Variants in MRTFA observed in about 807,000 individuals in gnomAD.
MRTFA encodes myocardin-related transcription factor A.
A neutral mutation model predicts 83.5 loss-of-function variants in MRTFA; 20 were observed. The observed-to-expected ratio is 0.24, with a 90% CI of 0.17 to 0.35. The LOEUF (loss-of-function observed/expected upper bound fraction) is 0.35, where lower values mean the gene tolerates loss of function less well. Ranked by LOEUF, MRTFA falls within the 10% of genes least tolerant of loss-of-function variation. The pLI, the probability that MRTFA is intolerant of heterozygous loss-of-function variation, is 1.00. For synonymous variants in MRTFA, 659 were observed against 541.2 expected (o/e 1.22, Z -3.02); for missense variants, 1,200 against 1,224.7 (o/e 0.98, Z 0.30).
At chr22:40,480,184 G>C (rs940305761) in intron 3 of MRTFA, among the ~76,000 whole-genome samples, 1 of 152,092 alleles carries the variant, frequency 6.6e-6, no homozygotes, top group African/African-American at 2.4e-5. Flanking sequence ...AGGTAGAGCA[G>C]AAATTGGAAC....
At chr22:40,540,334 C>G (rs1163914376) in intron 3 of MRTFA, among the ~76,000 whole-genome samples, 1 of 152,158 alleles carries the variant, frequency 6.6e-6, no homozygotes, top group Non-Finnish European at 1.5e-5. Context: ...TGTTATTTCT[C>G]TTTGAAAATT....
At chr22:40,424,136 G>A (rs928575412) in intron 8 of MRTFA, 70 bp downstream of exon 8, 67 of 1,459,026 alleles carry the variant, frequency 4.6e-5, no homozygotes, top group Admixed American at 1.8e-4. Flanking sequence ...CCGTGGCCCA[G>A]GAGAGAGACC....
chr22:40,534,796 A>G (rs2055139361), intron 3 of MRTFA, among the ~76,000 whole-genome samples: 1 of 152,234 alleles, frequency 6.6e-6, no homozygotes, highest in Non-Finnish European at 1.5e-5. Context: ...GAATTCTTCA[A>G]TCTTTCTCGT....
In MRTFA at chr22:40,420,962, C is replaced by G. The variant is rs1470339728; in HGVS notation, c.1066G>C (p.Asp356His). The G allele has an allele frequency of 3.7e-6, 6 of 1,613,366 alleles. No individual in the cohort carries two copies. Residue 356 changes from aspartate (D) to histidine (H), a missense_variant, in exon 10 of 15, where the codon GAC becomes CAC. Around this residue, in one of 2 missense-constraint regions of MRTFA, gnomAD observed 1,107 missense variants for 1,041.8 expected, o/e 1.06. Coordinates refer to ENST00000355630, the MANE Select transcript of MRTFA (RefSeq NM_020831.6). The stretch of plus-strand genomic sequence containing the variant: ...TGCAGGATCTTGGCGTAGGATGAGT[C>G]CATGGGGGGTGCCCCCCTGTCCTGC...
At chr22:40,541,581 C>G (rs145166945) in intron 3 of MRTFA, among the ~76,000 whole-genome samples, 1 of 152,300 alleles carries the variant, frequency 6.6e-6, no homozygotes, top group Non-Finnish European at 1.5e-5. Context: ...GAGTCAAGAC[C>G]TGTAAACCTG....
chr22:40,455,054 C>T (rs2053558545), intron 4 of MRTFA, among the ~76,000 whole-genome samples: 1 of 152,198 alleles, frequency 6.6e-6, no homozygotes, highest in Non-Finnish European at 1.5e-5. Flanking sequence ...CCTGCCTTGG[C>T]CTCACCATGT....
chr22:40,527,285 G>A (rs182808389), intron 3 of MRTFA, among the ~76,000 whole-genome samples: 4 of 152,064 alleles, frequency 2.6e-5, no homozygotes, highest in African/African-American at 9.6e-5. Flanking sequence ...AGCCATTTAT[G>A]CGACTTTGCC....
chr22:40,571,489 A>C (rs2055792236), intron 2 of MRTFA, among the ~76,000 whole-genome samples: 1 of 152,152 alleles, frequency 6.6e-6, no homozygotes, highest in African/African-American at 2.4e-5. Context: ...GAGGTGAAAA[A>C]GAAAACTCAC....
rs545597621 is a variant in MRTFA, at chr22:40,420,532, C to T, written c.1226G>A (p.Arg409His). Reference sequence around the variant, plus strand: ...GCTGCTATTGGTAGTGGAGAGGCTGCGTACTGGGGGGGTCCCGCTGCTTCC... The same window carrying T: ...GCTGCTATTGGTAGTGGAGAGGCTGTGTACTGGGGGGGTCCCGCTGCTTCC... The change falls in exon 11 of 15, where the codon CGC becomes CAC. Residue 409 changes from arginine (R) to histidine (H), a missense_variant. This residue lies in a region of MRTFA where 1,107 missense variants were observed against 1,041.8 expected (regional missense o/e 1.06). Coordinates refer to ENST00000355630, the MANE Select transcript of MRTFA (RefSeq NM_020831.6). 3.8e-5 allele frequency: 61 copies of T among 1,613,696 alleles called. No individual in the cohort carries two copies. In the East Asian group the frequency reaches 4.0e-4, roughly 11 times the overall value.
chr22:40,491,900 C>T (rs2054277635), intron 3 of MRTFA, among the ~76,000 whole-genome samples: 1 of 152,204 alleles, frequency 6.6e-6, no homozygotes, highest in Non-Finnish European at 1.5e-5. Flanking sequence ...TGGATGGCTA[C>T]AGAGAAATAG....
chr22:40,460,571 G>T (rs2053692907), intron 4 of MRTFA, among the ~76,000 whole-genome samples: 1 of 152,176 alleles, frequency 6.6e-6, no homozygotes, highest in Non-Finnish European at 1.5e-5. Context: ...AATCTTGGTA[G>T]CATCTAGGAC....
At chr22:40,506,197 G>GCACTCCAGC (rs1426841059) in intron 3 of MRTFA, among the ~76,000 whole-genome samples, 2 of 152,056 alleles carry the variant, frequency 1.3e-5, no homozygotes, top group East Asian at 3.8e-4. Flanking sequence ...TTGTGCCACT[G>GCACTCCAGC]CACTCCAGCC....
At chr22:40,449,130 G>T (rs1358253592) in intron 4 of MRTFA, among the ~76,000 whole-genome samples, 1 of 152,060 alleles carries the variant, frequency 6.6e-6, no homozygotes, top group African/African-American at 2.4e-5. Flanking sequence ...AGCCGGGCGT[G>T]GTGGCGGGTG....
rs185099827 is a variant in MRTFA, at chr22:40,622,060, C to T, written c.-84+14418G>A. 4.4e-3 allele frequency among the ~76,000 whole-genome samples: 675 copies of T among 152,070 alleles called. 3 individuals are homozygous for T. Among genetic ancestry groups the T allele is most frequent in the Non-Finnish European group, 5.6e-3 (378 of 68,016 alleles). ...GGGTGTATTTTGCCTGTGGAACAGA[C>T]GAGCAGAGAAGAGACTATGATAGGC... On this transcript the variant is annotated intron_variant, in intron 1 of 14. Coordinates refer to ENST00000355630, the MANE Select transcript of MRTFA (RefSeq NM_020831.6).
intron 3 of MRTFA, among the ~76,000 whole-genome samples, chr22:40,498,271 ATATTTTTTTT>A (rs2054393501): frequency 2.4e-5 from 2 of 81,646 alleles, no homozygotes; most frequent in Non-Finnish European, 4.4e-5. Context: ...ATATATATAT[ATATTTTTTTT>A]TTTTTTTTTT....
At chr22:40,519,660 A>C in intron 3 of MRTFA, 1 of 1,213,550 alleles carries the variant, frequency 8.2e-7, no homozygotes, top group South Asian at 1.5e-5. Context: ...AGAATGTTCC[A>C]TAAACTTAAA....
At chr22:40,498,746 A>G (rs2054405575) in intron 3 of MRTFA, among the ~76,000 whole-genome samples, 2 of 152,156 alleles carry the variant, frequency 1.3e-5, no homozygotes, top group Non-Finnish European at 2.9e-5. Context: ...ACCTCTCAGG[A>G]GCAGGCCACA....
At chr22:40,466,202 T>G (rs1432635275) in intron 3 of MRTFA, among the ~76,000 whole-genome samples, 1 of 152,170 alleles carries the variant, frequency 6.6e-6, no homozygotes, top group Non-Finnish European at 1.5e-5. Context: ...AGAAAAAAAT[T>G]ATAACCATAG....
intron 3 of MRTFA, among the ~76,000 whole-genome samples, chr22:40,476,296 T>C (rs983996750): frequency 6.6e-6 from 1 of 152,110 alleles, no homozygotes; most frequent in African/African-American, 2.4e-5. Flanking sequence ...TGATACAGCC[T>C]AAAAAGATAC....
Sources: allele counts gnomAD v4.1 joint callset (sites outside exome capture counted in the v4.1 genomes callset), GRCh38; gene constraint gnomAD v4.1.1; regional missense constraint gnomAD v4.1.1; transcripts MANE v1.5; gene names NCBI Gene and HGNC (gene_info 2026-07-23, HGNC 2026-07-21).